The following FGF14 variants were observed in gnomAD, a reference collection of about 807,000 sequenced individuals.
FGF14 encodes fibroblast growth factor homologous factor 4.
A neutral mutation model predicts 25.5 loss-of-function variants in FGF14; 5 were observed. The ratio of observed to expected loss-of-function variants is 0.20; its 90% CI spans 0.10 to 0.41. The LOEUF (loss-of-function observed/expected upper bound fraction) is 0.41, where lower values mean the gene tolerates loss of function less well. FGF14 is among the 10% of genes least tolerant of loss of function. The pLI, the probability that FGF14 is intolerant of heterozygous loss-of-function variation, is 1.00. For missense variants in FGF14, 222 were observed against 320.1 expected, an observed-to-expected ratio of 0.69 and a Z score of 2.34; for synonymous variants, 138 against 118.3, an observed-to-expected ratio of 1.17 and a Z score of -1.08.
chr13:101,976,930 C>G (rs573523755), intron 1 of FGF14, among the ~76,000 whole-genome samples: 1 of 152,272 alleles, frequency 6.6e-6, no homozygotes, highest in African/African-American at 2.4e-5. Flanking sequence ...CTGTGGTGCC[C>G]TGTAGTGCCT....
chr13:102,116,936 A>G (rs670354), intron 1 of FGF14, among the ~76,000 whole-genome samples: 103,528 of 152,076 alleles, frequency 0.68, 36,784 homozygotes, highest in East Asian at 0.9. Context: ...TGATCAGCCC[A>G]CTTGGGGTCA....
intron 1 of FGF14, among the ~76,000 whole-genome samples, chr13:102,020,649 G>C (rs2040595208): frequency 6.6e-6 from 1 of 152,084 alleles, no homozygotes; most frequent in Non-Finnish European, 1.5e-5. Context: ...TAGAAGAATG[G>C]AACAGGATTT....
intron 1 of FGF14, among the ~76,000 whole-genome samples, chr13:101,914,580 T>G (rs1385295559): frequency 6.6e-6 from 1 of 152,134 alleles, no homozygotes; most frequent in Non-Finnish European, 1.5e-5. Flanking sequence ...AACGGACCAT[T>G]AGAAAACTCA....
At chr13:101,974,341 A>G (rs887669257) in intron 1 of FGF14, among the ~76,000 whole-genome samples, 4 of 152,198 alleles carry the variant, frequency 2.6e-5, no homozygotes, top group Admixed American at 6.5e-5. Context: ...GTTCAAGGTC[A>G]CACAGCTAAT....
At chr13:102,083,957 G>C (rs1412468655) in intron 1 of FGF14, among the ~76,000 whole-genome samples, 1 of 152,162 alleles carries the variant, frequency 6.6e-6, no homozygotes, top group African/African-American at 2.4e-5. Context: ...CTATATCCTT[G>C]AAGGCCCTAT....
chr13:101,788,909 T>TAGAG (rs781347440), intron 3 of FGF14, among the ~76,000 whole-genome samples: 42 of 31,192 alleles, frequency 1.3e-3, no homozygotes, highest in African/African-American at 2.9e-3. Flanking sequence ...TATATATATA[T>TAGAG]AGAGAGAGAG....
intron 3 of FGF14, among the ~76,000 whole-genome samples, chr13:101,805,445 G>A (rs1259019061): frequency 6.6e-6 from 1 of 152,118 alleles, no homozygotes; most frequent in Non-Finnish European, 1.5e-5. Context: ...TTTTATTGCT[G>A]TGTTTCTGAG....
intron 1 of FGF14, among the ~76,000 whole-genome samples, chr13:102,301,102 G>A (rs542968689): frequency 3.9e-5 from 6 of 152,252 alleles, no homozygotes; most frequent in Non-Finnish European, 8.8e-5. Flanking sequence ...CAAGCAATGA[G>A]TCAATTTGAT....
At chr13:101,845,941 G>T (rs192051135) in intron 3 of FGF14, among the ~76,000 whole-genome samples, 2 of 151,936 alleles carry the variant, frequency 1.3e-5, no homozygotes, top group African/African-American at 4.8e-5. Context: ...ATATCTGGTC[G>T]AAGTGCCAAT....
intron 1 of FGF14, among the ~76,000 whole-genome samples, chr13:102,067,308 C>G (rs1457881975): frequency 2.6e-5 from 4 of 152,060 alleles, no homozygotes; most frequent in Non-Finnish European, 5.9e-5. Context: ...CTCAGCTTGA[C>G]AAATCAAAAC....
chr13:101,939,144 T>G (rs1005579079), intron 1 of FGF14, among the ~76,000 whole-genome samples: 3 of 152,300 alleles, frequency 2.0e-5, no homozygotes, highest in Admixed American at 2.0e-4. Context: ...AGTCAAACAT[T>G]CAGTGTTTGA....
intron 1 of FGF14, among the ~76,000 whole-genome samples, chr13:102,255,304 A>T (rs539918070): frequency 1.4e-4 from 22 of 152,362 alleles, no homozygotes; most frequent in Admixed American, 8.5e-4. Context: ...AAGTACAGTG[A>T]TAGGAAAACT....
intron 1 of FGF14, among the ~76,000 whole-genome samples, chr13:102,290,864 C>T (rs2054355375): frequency 6.6e-6 from 1 of 152,088 alleles, no homozygotes; most frequent in Non-Finnish European, 1.5e-5. Context: ...AGCTACCATG[C>T]CTACAAAATG....
intron 1 of FGF14, among the ~76,000 whole-genome samples, chr13:102,196,959 T>G (rs1190873184): frequency 2.0e-5 from 3 of 151,094 alleles, no homozygotes; most frequent in Non-Finnish European, 4.4e-5. Flanking sequence ...TTTTTTTGGT[T>G]TTTTTTTTTC....
rs150387144 is a variant in FGF14, at chr13:101,997,884, T to C, written c.209-122588A>G. Among the ~76,000 whole-genome samples the C allele has an allele frequency of 7.5e-3, 1,142 of 152,308 alleles. 16 individuals carry two copies. Among genetic ancestry groups the C allele is most frequent in the African/African-American group, 0.026 (1,070 of 41,568 alleles). ...TTAGTTTTTAAATTTTTTACATTAA[T>C]TTAATTGTGCATATTTAAGTACACA... On this transcript the variant is annotated intron_variant, in intron 1 of 4. Coordinates refer to the FGF14 transcript ENST00000376131.
At chr13:102,154,591 G>A (rs2047237333) in intron 1 of FGF14, among the ~76,000 whole-genome samples, 1 of 152,132 alleles carries the variant, frequency 6.6e-6, no homozygotes, top group Non-Finnish European at 1.5e-5. Flanking sequence ...ATCGAGGCTA[G>A]GAAGAAACTG....
At chr13:101,801,109 C>T (rs2040843962) in intron 3 of FGF14, among the ~76,000 whole-genome samples, 2 of 152,138 alleles carry the variant, frequency 1.3e-5, no homozygotes, top group African/African-American at 2.4e-5. Flanking sequence ...TATCTCAAAT[C>T]GCTATTTTGG....
chr13:102,177,365 G>C (rs2048490891), intron 1 of FGF14, among the ~76,000 whole-genome samples: 2 of 152,162 alleles, frequency 1.3e-5, no homozygotes, highest in South Asian at 4.1e-4. Flanking sequence ...GACTTCAGAT[G>C]TTTTCAGCCC....
At chr13:101,861,461 C>G (rs1029217496) in intron 3 of FGF14, among the ~76,000 whole-genome samples, 2 of 152,084 alleles carry the variant, frequency 1.3e-5, no homozygotes, top group South Asian at 2.1e-4. Context: ...CCCAGACAAC[C>G]ATGAAGTTCT....
Sources: allele counts gnomAD v4.1 joint callset (sites outside exome capture counted in the v4.1 genomes callset), GRCh38; gene constraint gnomAD v4.1.1; transcripts MANE v1.5; gene names NCBI Gene and HGNC (gene_info 2026-07-23, HGNC 2026-07-21).